STARD13: variants seen among roughly 807,000 people sequenced by gnomAD.
The protein encoded by STARD13 is stAR-related lipid transfer protein 13.
A neutral mutation model predicts 106.4 loss-of-function variants in STARD13; 62 were observed. The ratio of observed to expected loss-of-function variants is 0.58; its 90% CI spans 0.48 to 0.72. STARD13 has a LOEUF of 0.72. Among genes scored for constraint, STARD13 ranks in the 30% least tolerant of loss-of-function variants. The pLI is 0.00. For synonymous variants in STARD13, 565 were observed against 553.0 expected (o/e 1.02, Z -0.31); for missense variants, 1,387 against 1,424.0 (o/e 0.97, Z 0.42).
chr13:33,413,470 AGAGTTGGTT>A, the STARD13 span, among the ~76,000 whole-genome samples: 1 of 152,174 alleles, frequency 6.6e-6, no homozygotes, highest in Non-Finnish European at 1.5e-5. Context: ...AATGAAACAA[AGAGTTGGTT>A]CTTTAAAATT....
At chr13:33,611,282 C>G in the STARD13 span, 1 of 152,196 alleles carries the variant, frequency 6.6e-6, no homozygotes, top group Non-Finnish European at 1.5e-5. Flanking sequence ...ACAGCGCTCC[C>G]TCTCCCCCAG....
chr13:33,240,298 G>A (rs1435745486), intron 1 of STARD13, among the ~76,000 whole-genome samples: 3 of 152,114 alleles, frequency 2.0e-5, no homozygotes, highest in Non-Finnish European at 4.4e-5. Context: ...TTAGTAACAT[G>A]TTTGAAATCA....
chr13:33,373,578 A>G, the STARD13 span, among the ~76,000 whole-genome samples: 1 of 152,160 alleles, frequency 6.6e-6, no homozygotes, highest in Non-Finnish European at 1.5e-5. Flanking sequence ...TTCAGCACAT[A>G]TAAAGAATTC....
chr13:33,150,664 C>T (rs1881155706), intron 3 of STARD13, among the ~76,000 whole-genome samples: 1 of 152,208 alleles, frequency 6.6e-6, no homozygotes, highest in African/African-American at 2.4e-5. Flanking sequence ...GAAGCCTGTC[C>T]TCTTCATGTT....
intron 1 of STARD13, among the ~76,000 whole-genome samples, chr13:33,218,480 T>C (rs984841724): frequency 6.6e-6 from 1 of 152,242 alleles, no homozygotes; most frequent in African/African-American, 2.4e-5. Flanking sequence ...TTGCTGACTC[T>C]TGAGTCTCTC....
the STARD13 span, among the ~76,000 whole-genome samples, chr13:33,410,182 T>A: frequency 6.6e-6 from 1 of 152,256 alleles, no homozygotes. Flanking sequence ...TTTGTAGGAA[T>A]ATACTTCTGA....
intron 1 of STARD13, among the ~76,000 whole-genome samples, chr13:33,283,862 T>C (rs1261109017): frequency 6.6e-6 from 1 of 152,142 alleles, no homozygotes; most frequent in Non-Finnish European, 1.5e-5. Flanking sequence ...AAAAAGAACA[T>C]AAATAATATT....
intron 1 of STARD13, among the ~76,000 whole-genome samples, chr13:33,200,749 T>C (rs1009688237): frequency 1.8e-4 from 27 of 152,136 alleles, no homozygotes; most frequent in South Asian, 2.1e-4. Context: ...GGGCCGGGCA[T>C]GGTGGCTCAC....
At chr13:33,176,230 T>C (rs1392825910) in intron 1 of STARD13, among the ~76,000 whole-genome samples, 1 of 152,220 alleles carries the variant, frequency 6.6e-6, no homozygotes, top group Non-Finnish European at 1.5e-5. Flanking sequence ...TCCTATTATC[T>C]GAGTATACAT....
intron 1 of STARD13, among the ~76,000 whole-genome samples, chr13:33,278,008 A>T (rs1891543439): frequency 6.6e-6 from 1 of 152,162 alleles, no homozygotes. Context: ...CTACTGCCAA[A>T]TCTATGCAAG....
Position 33,225,620 on chromosome 13 carries a change from C to T in STARD13, c.170-57998G>A, listed in dbSNP as rs113034130. ...ACCACAGAGCAGAATTTTGGATAAG[C>T]GAAGTATCACTGTATCATAAACGTA... On this transcript the variant is annotated intron_variant, in intron 1 of 13. Coordinates refer to ENST00000336934, the MANE Select transcript of STARD13 (RefSeq NM_178006.4). Among the ~76,000 whole-genome samples, 543 of 152,156 alleles carry T rather than the reference C, an allele frequency of 3.6e-3. 1 individual carries two copies. Among genetic ancestry groups the T allele is most frequent in the Admixed American group, 8.1e-3 (123 of 15,276 alleles).
At chr13:33,544,830 G>A in the STARD13 span, among the ~76,000 whole-genome samples, 123 of 144,318 alleles carry the variant, frequency 8.5e-4, 2 homozygotes, top group East Asian at 0.021. Context: ...CTGGAGTGCA[G>A]TGGCCAGATT....
chr13:33,261,682 T>C (rs1208511612), intron 1 of STARD13, among the ~76,000 whole-genome samples: 1 of 152,210 alleles, frequency 6.6e-6, no homozygotes, highest in Non-Finnish European at 1.5e-5. Context: ...TTATTTTTTA[T>C]TGTGGGTCAT....
intron 1 of STARD13, chr13:33,334,066 G>C (rs2077866917): frequency 1.3e-5 from 2 of 152,138 alleles, no homozygotes; most frequent in South Asian, 2.1e-4. Context: ...AGAAAGAAGA[G>C]GTAAAAATAC....
At chr13:33,112,646 T>C in intron 9 of STARD13, 75 bp downstream of exon 9, 1 of 1,175,210 alleles carries the variant, frequency 8.5e-7, no homozygotes, top group Non-Finnish European at 1.2e-6. Flanking sequence ...TATCCATCCA[T>C]CCATCCATCC....
chr13:33,654,966 CT>C, the STARD13 span: 1 of 152,246 alleles, frequency 6.6e-6, no homozygotes, highest in Non-Finnish European at 1.5e-5. Flanking sequence ...TTATTTCTCT[CT>C]TTTGAGTTTT....
At chr13:33,487,943 A>G in the STARD13 span, among the ~76,000 whole-genome samples, 1 of 152,036 alleles carries the variant, frequency 6.6e-6, no homozygotes, top group Non-Finnish European at 1.5e-5. Context: ...GTGAGCTCCA[A>G]AGGTCTGTTC....
chr13:33,371,656 G>GA, the STARD13 span, among the ~76,000 whole-genome samples: 1 of 152,196 alleles, frequency 6.6e-6, no homozygotes, highest in African/African-American at 2.4e-5. Flanking sequence ...ATGAGCTAGA[G>GA]AATGTTCGGT....
At chr13:33,580,285 A>G in the STARD13 span, among the ~76,000 whole-genome samples, 1 of 152,108 alleles carries the variant, frequency 6.6e-6, no homozygotes, top group East Asian at 1.9e-4. Context: ...AGTGAAAAAA[A>G]GGGGATCTGG....
Sources: allele counts gnomAD v4.1 joint callset (sites outside exome capture counted in the v4.1 genomes callset), GRCh38; gene constraint gnomAD v4.1.1; transcripts MANE v1.5; gene names NCBI Gene and HGNC (gene_info 2026-07-23, HGNC 2026-07-21).